PCDHGA5: variants seen among roughly 807,000 people sequenced by gnomAD.
PCDHGA5 encodes the protein protocadherin gamma subfamily A, 5.
PCDHGA5 carries 36 observed loss-of-function variants against 56.7 expected under a neutral mutation model. The ratio of observed to expected loss-of-function variants is 0.64; its 90% CI spans 0.49 to 0.84. The LOEUF (loss-of-function observed/expected upper bound fraction) is 0.84, where lower values mean the gene tolerates loss of function less well. Among genes scored for constraint, PCDHGA5 ranks in the 40% least tolerant of loss-of-function variants. The probability of loss-of-function intolerance (pLI) is 0.00; values close to 1 mark genes in which losing one functional copy is unlikely to be tolerated. For missense variants in PCDHGA5, 1,305 were observed against 1,201.5 expected (o/e 1.09, Z -1.27); for synonymous variants, 563 against 520.2 (o/e 1.08, Z -1.12).
In PCDHGA5 at chr5:141,415,509, T is replaced by C. The variant is rs1296405723; in HGVS notation, c.2421+48758T>C. The C allele has an allele frequency of 4.3e-6, 7 of 1,614,054 alleles. No individual in the cohort carries two copies. In the Admixed American group the frequency reaches 5.0e-5, roughly 12 times the overall value. On this transcript the variant is annotated intron_variant, in intron 1 of 3. Transcript: ENST00000518069. ...GTCACCTGATCTTCCCCCAGCCCAA[T>C]TATGCGGACACGCTCATCAGCCAGG...
At chr5:141,409,441 G>C (rs1432743588) in intron 1 of PCDHGA5, 1 of 1,613,884 alleles carries the variant, frequency 6.2e-7, no homozygotes, top group East Asian at 2.2e-5. Context: ...TGGACCGAGA[G>C]CAGACACCAG....
chr5:141,377,398 G>A (rs1274775607), intron 1 of PCDHGA5: 1 of 152,106 alleles, frequency 6.6e-6, no homozygotes. Context: ...TTGAGACCAG[G>A]AGTTTGAGAC....
At chr5:141,418,802 T>G (rs775155011) in intron 1 of PCDHGA5, 1 of 1,613,862 alleles carries the variant, frequency 6.2e-7, no homozygotes, top group Non-Finnish European at 8.5e-7. Flanking sequence ...AGTAGAAAGA[T>G]ATACGATAAA....
intron 1 of PCDHGA5, chr5:141,422,184 A>T: frequency 6.4e-7 from 1 of 1,561,838 alleles, no homozygotes; most frequent in Non-Finnish European, 8.6e-7. Context: ...ATGAGATGGA[A>T]ATTCAAGGCC....
At chr5:141,423,749 T>TTG (rs1249843775) in intron 1 of PCDHGA5, 127 of 272,264 alleles carry the variant, frequency 4.7e-4, no homozygotes, top group South Asian at 6.4e-4. Context: ...TGAAAACTGT[T>TTG]TGGGGGGGGG....
intron 1 of PCDHGA5, chr5:141,419,680 C>T (rs757026598): frequency 9.3e-6 from 15 of 1,612,946 alleles, no homozygotes; most frequent in Non-Finnish European, 1.3e-5. Flanking sequence ...TGTCCTACCA[C>T]GTGGTGCAGG....
At chr5:141,428,189 C>G in intron 1 of PCDHGA5, 1 of 1,429,262 alleles carries the variant, frequency 7.0e-7, no homozygotes, top group African/African-American at 1.4e-5. Flanking sequence ...ACAGCCGCCG[C>G]TCTCTGCGCC....
chr5:141,431,513 C>G lies in PCDHGA5; in HGVS notation c.2422-63294C>G. ...TCAGCCCGAGTACCGCGCGAGCGTT[C>G]CGGAGAATCTGGCCTTGGGCACGCA... On this transcript the variant is annotated intron_variant, in intron 1 of 3. Transcript: ENST00000518069. The surrounding 1 kb of genome is among the most constrained non-coding windows in gnomAD (Gnocchi z 4.8). 6.2e-7 allele frequency: 1 copy of G among 1,614,022 alleles called. No homozygotes were observed. Among genetic ancestry groups the G allele is most frequent in the South Asian group, 1.1e-5 (1 of 91,088 alleles).
At chr5:141,381,763 A>G (rs1419623732) in intron 1 of PCDHGA5, among the ~76,000 whole-genome samples, 2 of 151,122 alleles carry the variant, frequency 1.3e-5, no homozygotes, top group Non-Finnish European at 2.9e-5. Context: ...CTACTACTAT[A>G]TAATCAATAA....
intron 1 of PCDHGA5, chr5:141,378,978 T>C (rs999342982): frequency 3.3e-5 from 5 of 152,244 alleles, no homozygotes; most frequent in African/African-American, 1.2e-4. Flanking sequence ...TGATGACTTG[T>C]TGAACTACAT....
intron 1 of PCDHGA5, among the ~76,000 whole-genome samples, chr5:141,457,745 G>T (rs1039982528): frequency 6.6e-6 from 1 of 152,232 alleles, no homozygotes; most frequent in Non-Finnish European, 1.5e-5. Flanking sequence ...TTTTAAAGCT[G>T]AGCCCAGACA....
intron 1 of PCDHGA5, among the ~76,000 whole-genome samples, chr5:141,469,315 G>A (rs1160946697): frequency 6.6e-6 from 1 of 151,866 alleles, no homozygotes; most frequent in African/African-American, 2.4e-5. Flanking sequence ...GATGGCTCAC[G>A]CCTGTAATCC....
At position 141,409,906 on chromosome 5, in the gene PCDHGA5, T is replaced by C. The variant is rs779572711; in HGVS notation, c.2421+43155T>C. Reference sequence around the variant, plus strand: ...CGCGGGTGCTGTACCCAGCTCTGGGTCCTGACGGCTCCGCGTTCTTCGATA... The same window carrying C: ...CGCGGGTGCTGTACCCAGCTCTGGGCCCTGACGGCTCCGCGTTCTTCGATA... On this transcript the variant is annotated intron_variant, in intron 1 of 3. Transcript: ENST00000518069. 6 of 1,613,214 alleles carry C rather than the reference T, an allele frequency of 3.7e-6. No homozygotes were observed. The South Asian group carries it at 6.6e-5, about 18-fold the overall frequency.
chr5:141,492,005 C>T (rs1444993907), intron 1 of PCDHGA5: 2 of 642,268 alleles, frequency 3.1e-6, no homozygotes, highest in Admixed American at 7.4e-5. Flanking sequence ...GGGCGATTTC[C>T]GCGGGTGTCG....
intron 1 of PCDHGA5, chr5:141,382,944 G>T (rs375823415): frequency 7.9e-5 from 126 of 1,596,768 alleles, no homozygotes; most frequent in Non-Finnish European, 1.0e-4. Flanking sequence ...GATTCTTCCT[G>T]CTCTCCATCC....
intron 1 of PCDHGA5, among the ~76,000 whole-genome samples, chr5:141,458,065 GA>G (rs541812590): frequency 3.5e-3 from 534 of 152,242 alleles, no homozygotes; most frequent in Middle Eastern, 6.8e-3. Context: ...GCACTGATGC[GA>G]ACAACTATAT....
At chr5:141,384,748 T>C in intron 1 of PCDHGA5, 1 of 1,613,966 alleles carries the variant, frequency 6.2e-7, no homozygotes, top group African/African-American at 1.3e-5. Flanking sequence ...GCCAGGACTC[T>C]TTGCGGTTGG....
At chr5:141,468,889 G>T (rs2099184580) in intron 1 of PCDHGA5, among the ~76,000 whole-genome samples, 1 of 151,496 alleles carries the variant, frequency 6.6e-6, no homozygotes, top group African/African-American at 2.4e-5. Flanking sequence ...ATAATAATAA[G>T]GTACTAATAT....
Position 141,478,910 on chromosome 5 carries a change from A to G in PCDHGA5, c.2422-15897A>G, listed in dbSNP as rs568573298. On this transcript the variant is annotated intron_variant, in intron 1 of 3. Transcript: ENST00000518069. ...ATTTACATTAGGAATAAGCTGCTGG[A>G]TACCTCTAACCAGTGGCAGCTTCTA... 5.3e-4 allele frequency: 474 copies of G among 893,806 alleles called. 7 individuals are homozygous for G. The South Asian group carries it at 6.8e-3, about 13-fold the overall frequency. 55.4% of individuals were successfully genotyped at this position (893,806 alleles called of 1,614,324 possible).
Sources: allele counts gnomAD v4.1 joint callset (sites outside exome capture counted in the v4.1 genomes callset), GRCh38; gene constraint gnomAD v4.1.1; non-coding constraint Gnocchi (gnomAD v3.1); transcripts MANE v1.5; gene names NCBI Gene and HGNC (gene_info 2026-07-23, HGNC 2026-07-21).